Variants in DLGAP4 observed in about 807,000 individuals in gnomAD.
The protein encoded by DLGAP4 is disks large-associated protein 4.
DLGAP4 carries 18 observed loss-of-function variants against 86.9 expected under a neutral mutation model. That is an observed-to-expected ratio of 0.21 (90% CI 0.14 to 0.31). The LOEUF (loss-of-function observed/expected upper bound fraction) is 0.31, where lower values mean the gene tolerates loss of function less well. Ranked by LOEUF, DLGAP4 falls within the 10% of genes least tolerant of loss-of-function variation. The pLI is 1.00. For synonymous variants in DLGAP4, 548 were observed against 574.3 expected, an observed-to-expected ratio of 0.95 and a Z score of 0.65; for missense variants, 1,085 against 1,362.6, an observed-to-expected ratio of 0.80 and a Z score of 3.21.
At chr20:36,317,229 T>TTCTC (rs1424378082) in intron 1 of DLGAP4, among the ~76,000 whole-genome samples, 1 of 36,902 alleles carries the variant, frequency 2.7e-5, no homozygotes, top group Non-Finnish European at 4.8e-5. Flanking sequence ...CCTTTTTTCT[T>TTCTC]TCTTTCTTTC....
intron 1 of DLGAP4, among the ~76,000 whole-genome samples, chr20:36,315,774 T>A (rs1200167862): frequency 6.6e-6 from 1 of 152,024 alleles, no homozygotes; most frequent in Non-Finnish European, 1.5e-5. Flanking sequence ...CCTACAATGC[T>A]CTCCTGGCCG....
intron 2 of DLGAP4, among the ~76,000 whole-genome samples, chr20:36,391,002 G>T (rs1340707534): frequency 6.6e-6 from 1 of 152,190 alleles, no homozygotes; most frequent in Admixed American, 6.5e-5. Context: ...CTCAGACTAA[G>T]CTCTGAGCTC....
chr20:36,519,907 C>T (rs1480778820), intron 10 of DLGAP4, among the ~76,000 whole-genome samples: 1 of 152,096 alleles, frequency 6.6e-6, no homozygotes, highest in Non-Finnish European at 1.5e-5. Context: ...CCTCCCACCT[C>T]AGCCTCCTGT....
chr20:36,315,412 G>A (rs2065089772), intron 1 of DLGAP4, among the ~76,000 whole-genome samples: 1 of 147,716 alleles, frequency 6.8e-6, no homozygotes, highest in Non-Finnish European at 1.5e-5. Context: ...CCAGGAGCTT[G>A]GGATGAGGAA....
At chr20:36,512,930 C>T (rs1030406435) in intron 10 of DLGAP4, among the ~76,000 whole-genome samples, 1 of 66,492 alleles carries the variant, frequency 1.5e-5, no homozygotes, top group African/African-American at 6.1e-5. Flanking sequence ...TCTCAGAGGC[C>T]CTTTTTTTTT....
chr20:36,465,504 C>G (rs1258792159), intron 7 of DLGAP4: 1 of 152,362 alleles, frequency 6.6e-6, no homozygotes, highest in Non-Finnish European at 1.5e-5. Flanking sequence ...TGGCTTCTGC[C>G]TGATAGCCTA....
chr20:36,500,399 A>T lies in DLGAP4; in HGVS notation c.2300A>T (p.Asn767Ile). ...AAGCGCAACCTCTCCTATGGAGACA[A>T]CAGCGACCCTGCCCTAGAGGCGTCC... The part of the protein sequence containing the change: ...QIKRNLSYGD[N>I]SDPALEASSL... Residue 767 changes from asparagine (N) to isoleucine (I), a missense_variant, in exon 10 of 13, where the codon AAC becomes ATC. By Grantham distance (149) the Asn-to-Ile change is moderately radical. Transcript: ENST00000339266. This position sits in a 1 kb window ranked among gnomAD's most constrained non-coding sequence, Gnocchi z 4.6. The T allele has an allele frequency of 6.3e-7, 1 of 1,596,454 alleles. No individual in the cohort carries two copies. Among genetic ancestry groups the T allele is most frequent in the Non-Finnish European group, 8.5e-7 (1 of 1,171,012 alleles).
intron 2 of DLGAP4, among the ~76,000 whole-genome samples, chr20:36,372,124 T>A (rs2030964130): frequency 6.6e-6 from 1 of 152,166 alleles, no homozygotes; most frequent in South Asian, 2.1e-4. Flanking sequence ...GCAAAACAGA[T>A]AAGAATAGCG....
intron 1 of DLGAP4, among the ~76,000 whole-genome samples, chr20:36,352,052 A>G (rs2030173304): frequency 6.6e-6 from 1 of 152,178 alleles, no homozygotes; most frequent in Admixed American, 6.5e-5. Flanking sequence ...TGACAGCTAC[A>G]GAAGCTCAGG....
chr20:36,500,215 C>T lies in DLGAP4; in HGVS notation c.2116C>T (p.His706Tyr). 2 of 1,553,236 alleles carry T rather than the reference C, an allele frequency of 1.3e-6. No individual in the cohort carries two copies. Among genetic ancestry groups the T allele is most frequent in the Admixed American group, 2.0e-5 (1 of 50,600 alleles). The change falls in exon 10 of 13, where the codon CAC becomes TAC. Residue 706 changes from histidine to tyrosine, a missense_variant. His to Tyr is a moderately conservative substitution (Grantham distance 83). Transcript: ENST00000339266. This position sits in a 1 kb window ranked among gnomAD's most constrained non-coding sequence, Gnocchi z 4.6. The stretch of plus-strand genomic sequence containing the variant: ...TACCCACAGAAGCAGCGTCCCCTCT[C>T]ACAGTATGTCCTCCCGACGGGACAC... ...EDDWRSSVPS[H>Y]SMSSRRDTDS...
intron 1 of DLGAP4, among the ~76,000 whole-genome samples, chr20:36,314,180 G>A (rs998356908): frequency 8.6e-5 from 13 of 151,658 alleles, no homozygotes; most frequent in African/African-American, 2.7e-4. Flanking sequence ...GGCGGCCTGG[G>A]GGTGTCGACT....
chr20:36,318,129 C>T (rs1324811409), intron 1 of DLGAP4, among the ~76,000 whole-genome samples: 1 of 151,188 alleles, frequency 6.6e-6, no homozygotes, highest in East Asian at 1.9e-4. Flanking sequence ...CACACACACA[C>T]ACACACACAC....
chr20:36,466,310 G>T (rs956979358), intron 7 of DLGAP4, among the ~76,000 whole-genome samples: 2 of 152,192 alleles, frequency 1.3e-5, no homozygotes, highest in Middle Eastern at 3.2e-3. Context: ...ATGGAAATGA[G>T]AACTCGTGTA....
At chr20:36,472,500 C>CAAAA (rs1217814412) in intron 7 of DLGAP4, among the ~76,000 whole-genome samples, 1 of 76,344 alleles carries the variant, frequency 1.3e-5, no homozygotes, top group African/African-American at 4.5e-5. Context: ...AACCCTGTCT[C>CAAAA]AAAAAAAAAA....
chr20:36,527,106 C>T lies in DLGAP4; in HGVS notation c.*75C>T. The T allele has an allele frequency of 7.1e-7, 1 of 1,410,100 alleles. No homozygotes were observed. Among genetic ancestry groups the T allele is most frequent in the Non-Finnish European group, 9.5e-7 (1 of 1,047,874 alleles). The allele number at this position is 1,410,100 out of a possible 1,614,324, so 87.3% of individuals were successfully genotyped here. A position where few individuals can be genotyped will look rare whatever the true frequency, so the allele number is the denominator to read the frequency against. ...CTAAGTGCGAACGGAACAGAGTTTT[C>T]TCAACCTTTGCTATGGTTATTCTGT... is the stretch of plus-strand genomic sequence containing the variant. On this transcript the variant is annotated 3_prime_UTR_variant, in exon 13 of 13. Transcript: ENST00000339266.
chr20:36,526,162 A>C (rs2037745386), intron 12 of DLGAP4, 156 bp downstream of exon 12: 2 of 1,091,938 alleles, frequency 1.8e-6, no homozygotes, highest in Admixed American at 2.0e-5. Flanking sequence ...CATGCTTGGC[A>C]CTTGTCTGGC....
intron 7 of DLGAP4, among the ~76,000 whole-genome samples, chr20:36,454,777 TATTGAGGCAGTG>T (rs2147598667): frequency 6.6e-6 from 1 of 152,254 alleles, no homozygotes. Context: ...GAGCGGCAGT[TATTGAGGCAGTG>T]AGAGCCCCTC....
At chr20:36,423,189 T>C (rs1360766280) in intron 2 of DLGAP4, among the ~76,000 whole-genome samples, 1 of 152,082 alleles carries the variant, frequency 6.6e-6, no homozygotes, top group African/African-American at 2.4e-5. Context: ...GGGTCTGGCA[T>C]GGTGGCTCAT....
intron 1 of DLGAP4, among the ~76,000 whole-genome samples, chr20:36,359,308 T>G (rs1215115309): frequency 6.6e-6 from 1 of 152,118 alleles, no homozygotes; most frequent in Non-Finnish European, 1.5e-5. Flanking sequence ...TAAAAATCAG[T>G]CTTTTAATTG....
Sources: allele counts gnomAD v4.1 joint callset (sites outside exome capture counted in the v4.1 genomes callset), GRCh38; gene constraint gnomAD v4.1.1; non-coding constraint Gnocchi (gnomAD v3.1); transcripts MANE v1.5; gene names NCBI Gene and HGNC (gene_info 2026-07-23, HGNC 2026-07-21).